ERICH6B: variants seen among roughly 807,000 people sequenced by gnomAD.
ERICH6B encodes glutamate-rich protein 6B.
In ERICH6B, 69 loss-of-function variants were observed where a neutral mutation model predicts 80.0. The observed-to-expected ratio is 0.86, with a 90% CI of 0.71 to 1.05. ERICH6B has a LOEUF of 1.05. Ranked by LOEUF, ERICH6B falls within the 50% of genes least tolerant of loss-of-function variation. ERICH6B has a pLI of 0.00. For missense variants in ERICH6B, 754 were observed against 796.1 expected (o/e 0.95, Z 0.64); for synonymous variants, 283 against 291.9 (o/e 0.97, Z 0.31).
intron 11 of ERICH6B, 74 bp from the exon 12 acceptor site, chr13:45,550,390 T>C (rs1273160679): frequency 8.0e-7 from 1 of 1,254,804 alleles, no homozygotes; most frequent in Admixed American, 2.1e-5. Context: ...CAGAGCACGG[T>C]GTGGACCCCA....
At chr13:45,561,280 T>C (rs1874661177) in intron 11 of ERICH6B, 89 bp downstream of exon 11, 2 of 1,316,964 alleles carry the variant, frequency 1.5e-6, no homozygotes, top group Non-Finnish European at 2.1e-6. Flanking sequence ...TGTTGTTCCT[T>C]ACAGCTCTCT....
chr13:45,546,907 G>A (rs1260432704), intron 13 of ERICH6B, among the ~76,000 whole-genome samples: 1 of 152,188 alleles, frequency 6.6e-6, no homozygotes, highest in Non-Finnish European at 1.5e-5. Context: ...ACTTTCCATT[G>A]AACAAAGAGC....
chr13:45,579,755 C>T (rs894933357), intron 7 of ERICH6B, among the ~76,000 whole-genome samples, 178 bp downstream of exon 7: 7 of 152,124 alleles, frequency 4.6e-5, no homozygotes, highest in Admixed American at 1.3e-4. Context: ...CTCTGTTTCT[C>T]GTTTTAGCCT....
At chr13:45,604,774 A>C (rs909423903) in intron 2 of ERICH6B, among the ~76,000 whole-genome samples, 2 of 152,052 alleles carry the variant, frequency 1.3e-5, no homozygotes, top group Non-Finnish European at 2.9e-5. Flanking sequence ...AAAACCTAAA[A>C]AATTAGCCGG....
intron 11 of ERICH6B, among the ~76,000 whole-genome samples, chr13:45,557,351 T>C (rs894381317): frequency 1.3e-5 from 2 of 152,188 alleles, no homozygotes; most frequent in East Asian, 3.8e-4. Flanking sequence ...GATGTATAGA[T>C]TGTGAAGATT....
At chr13:45,565,548 C>A (rs950858964) in intron 9 of ERICH6B, among the ~76,000 whole-genome samples, 6 of 152,212 alleles carry the variant, frequency 3.9e-5, no homozygotes, top group Non-Finnish European at 7.3e-5. Context: ...TGGGAGGTAA[C>A]TGAACCATGG....
chr13:45,554,189 G>A (rs369384603), intron 11 of ERICH6B, among the ~76,000 whole-genome samples: 2 of 152,056 alleles, frequency 1.3e-5, no homozygotes, highest in African/African-American at 2.4e-5. Flanking sequence ...GTGTTTTTAC[G>A]TTCCACACAT....
At chr13:45,598,207 A>AT (rs1277236070) in intron 2 of ERICH6B, among the ~76,000 whole-genome samples, 2 of 151,716 alleles carry the variant, frequency 1.3e-5, no homozygotes, top group Admixed American at 6.6e-5. Flanking sequence ...TTCTTGTTCA[A>AT]TTTTTTTCTT....
At chr13:45,590,218 G>A (rs972256118) in intron 4 of ERICH6B, among the ~76,000 whole-genome samples, 10 of 151,606 alleles carry the variant, frequency 6.6e-5, no homozygotes, top group Middle Eastern at 6.8e-3. Context: ...GCCAAGTCCT[G>A]TCACAAGATT....
intron 5 of ERICH6B, among the ~76,000 whole-genome samples, chr13:45,584,424 G>C (rs1014532965): frequency 1.3e-5 from 2 of 152,186 alleles, no homozygotes; most frequent in South Asian, 4.1e-4. Context: ...GTCGAGAAAG[G>C]CTGAGCCATG....
At chr13:45,551,461 A>G (rs1045502447) in intron 11 of ERICH6B, 1 of 151,968 alleles carries the variant, frequency 6.6e-6, no homozygotes, top group African/African-American at 2.4e-5. Context: ...CTCCTCCTTT[A>G]TCAGAGAAAG....
chr13:45,580,121 C>A, intron 6 of ERICH6B, 147 bp from the exon 7 acceptor site: 1 of 665,592 alleles, frequency 1.5e-6, no homozygotes, highest in Non-Finnish European at 2.6e-6. Context: ...GGGATAAAAG[C>A]CTTCCTTGAT....
intron 13 of ERICH6B, among the ~76,000 whole-genome samples, chr13:45,548,466 C>T (rs1874075152): frequency 6.6e-6 from 1 of 152,186 alleles, no homozygotes; most frequent in African/African-American, 2.4e-5. Context: ...AACATTTTTC[C>T]TCTGGAGCAG....
intron 9 of ERICH6B, among the ~76,000 whole-genome samples, chr13:45,567,488 G>T (rs144528912): frequency 1.3e-5 from 2 of 152,116 alleles, no homozygotes; most frequent in African/African-American, 4.8e-5. Flanking sequence ...TTCTGTTCTC[G>T]TAATAGTGAG....
chr13:45,545,419 T>C (rs955265893), intron 13 of ERICH6B, among the ~76,000 whole-genome samples: 14 of 152,284 alleles, frequency 9.2e-5, no homozygotes, highest in African/African-American at 3.4e-4. Flanking sequence ...AATTTACGAA[T>C]AGATATGGTA....
intron 11 of ERICH6B, 61 bp from the exon 12 acceptor site, chr13:45,550,377 CTGCAGAGCACGG>C (rs756901736): frequency 6.2e-5 from 86 of 1,377,940 alleles, no homozygotes; most frequent in Non-Finnish European, 8.5e-5. Context: ...AACTGTCCTA[CTGCAGAGCACGG>C]TGTGGACCCC....
Position 45,587,116 on chromosome 13 carries a change from A to G in ERICH6B, c.803T>C (p.Leu268Ser). The change falls in exon 5 of 15, where the codon TTG (leucine) becomes TCG (serine). Residue 268 changes from leucine to serine, a missense_variant. Physicochemically the swap from Leu to Ser is moderately radical, Grantham distance 145. Coordinates refer to ENST00000298738, the MANE Select transcript of ERICH6B (RefSeq NM_182542.3). ...ATESSELLLT[L>S]YRRSQASQTD... is the part of the protein sequence containing the mutation. ...CTGACTGGCCTGGCTCCTCCTGTAC[A>G]ATGTCAGAAGCAACTCAGAAGACTC... 1 of 1,551,702 alleles carries G rather than the reference A, an allele frequency of 6.4e-7. No individual in the cohort carries two copies. The highest frequency in any genetic ancestry group is 8.7e-7 in the Non-Finnish European group (1 of 1,146,984).
intron 11 of ERICH6B, among the ~76,000 whole-genome samples, chr13:45,554,022 A>G (rs1285568877): frequency 6.6e-6 from 1 of 152,216 alleles, no homozygotes; most frequent in Non-Finnish European, 1.5e-5. Flanking sequence ...GTATTGATAT[A>G]TATAATATCA....
In ERICH6B at chr13:45,577,276, C is replaced by CTTTTTTTTTTTTTTTTTTTT. The variant is rs34244794; in HGVS notation, c.962-2366_962-2347dup. Among the ~76,000 whole-genome samples the CTTTTTTTTTTTTTTTTTTTT allele has an allele frequency of 8.7e-4, 75 of 86,092 alleles. 5 individuals are homozygous for CTTTTTTTTTTTTTTTTTTTT. The highest frequency in any genetic ancestry group is 1.3e-3 in the Non-Finnish European group (53 of 40,040). The allele number at this position is 86,092 out of a possible 152,430, so 56.5% of individuals were successfully genotyped here. A position where few individuals can be genotyped will look rare whatever the true frequency, so the allele number is the denominator to read the frequency against. On this transcript the variant is annotated intron_variant, in intron 7 of 14. Coordinates refer to ENST00000298738, the MANE Select transcript of ERICH6B (RefSeq NM_182542.3). ...TCTCCTGGACTGATTAAAAACAAAT[C>CTTTTTTTTTTTTTTTTTTTT]TTTTTTTTTTTTTTTTTTTTTTTTT...
Sources: allele counts gnomAD v4.1 joint callset (sites outside exome capture counted in the v4.1 genomes callset), GRCh38; gene constraint gnomAD v4.1.1; transcripts MANE v1.5; gene names NCBI Gene and HGNC (gene_info 2026-07-23, HGNC 2026-07-21).